Variants in AMPH observed in about 807,000 individuals in gnomAD.
AMPH encodes amphiphysin, also known as amphiphysin (Stiff-Mann syndrome with breast cancer 128kD autoantigen).
A neutral mutation model predicts 99.1 loss-of-function variants in AMPH; 49 were observed. That is an observed-to-expected ratio of 0.49 (90% CI 0.39 to 0.63). AMPH has a LOEUF of 0.63. Among genes scored for constraint, AMPH ranks in the 20% least tolerant of loss-of-function variants. The pLI, the probability that AMPH is intolerant of heterozygous loss-of-function variation, is 0.00. For synonymous variants in AMPH, 314 were observed against 317.3 expected (o/e 0.99, Z 0.11); for missense variants, 759 against 863.4 (o/e 0.88, Z 1.52).
intron 1 of AMPH, among the ~76,000 whole-genome samples, chr7:38,579,935 C>A (rs1441887309): frequency 1.3e-5 from 2 of 152,258 alleles, no homozygotes; most frequent in African/African-American, 4.8e-5. Flanking sequence ...AAAATGCATA[C>A]CAGTCCCAGA....
At chr7:38,502,493 T>G (rs886315249) in intron 3 of AMPH, among the ~76,000 whole-genome samples, 1 of 152,140 alleles carries the variant, frequency 6.6e-6, no homozygotes, top group African/African-American at 2.4e-5. Flanking sequence ...GCCCTGAGCC[T>G]GTCCCATTGA....
intron 19 of AMPH, among the ~76,000 whole-genome samples, chr7:38,391,007 GA>G (rs1277903565): frequency 5.7e-5 from 4 of 69,668 alleles, no homozygotes; most frequent in African/African-American, 1.9e-4. Flanking sequence ...GAGAGAGAGA[GA>G]GAGAGAGAAT....
chr7:38,466,858 G>C (rs984283559), intron 7 of AMPH, among the ~76,000 whole-genome samples: 1 of 152,044 alleles, frequency 6.6e-6, no homozygotes, highest in African/African-American at 2.4e-5. Context: ...GAAAACATAA[G>C]CTGCCCCTTC....
At chr7:38,406,357 A>G (rs1015542326) in intron 17 of AMPH, among the ~76,000 whole-genome samples, 9 of 151,904 alleles carry the variant, frequency 5.9e-5, no homozygotes, top group African/African-American at 1.9e-4. Context: ...GAAAAGACAT[A>G]ACAAAGATCA....
intron 2 of AMPH, among the ~76,000 whole-genome samples, chr7:38,514,661 C>T (rs541925307): frequency 2.0e-5 from 3 of 152,182 alleles, no homozygotes; most frequent in Non-Finnish European, 4.4e-5. Context: ...TGAGTTTGGC[C>T]TGACTTCTTT....
At chr7:38,566,638 G>T (rs568396722) in intron 1 of AMPH, among the ~76,000 whole-genome samples, 2 of 151,860 alleles carry the variant, frequency 1.3e-5, no homozygotes, top group East Asian at 1.9e-4. Context: ...AAATTTTTGC[G>T]ATCTACCCAT....
At chr7:38,550,182 C>A (rs1317528143) in intron 1 of AMPH, among the ~76,000 whole-genome samples, 1 of 152,214 alleles carries the variant, frequency 6.6e-6, no homozygotes, top group Non-Finnish European at 1.5e-5. Flanking sequence ...CATTCCCTTA[C>A]ATTTCCTCCC....
intron 9 of AMPH, among the ~76,000 whole-genome samples, chr7:38,465,129 C>T (rs927712478): frequency 5.3e-5 from 8 of 151,992 alleles, no homozygotes; most frequent in East Asian, 1.9e-4. Context: ...CTTTCTTCTC[C>T]GGAGAAAATA....
chr7:38,436,476 ATAT>A (rs1290267200), intron 11 of AMPH, 88 bp from the exon 12 acceptor site: 2 of 953,570 alleles, frequency 2.1e-6, no homozygotes, highest in South Asian at 1.4e-5. Flanking sequence ...ACTCTCTCTA[ATAT>A]TATTATTGAG....
intron 1 of AMPH, among the ~76,000 whole-genome samples, chr7:38,580,658 G>A: frequency 6.7e-6 from 1 of 149,498 alleles, no homozygotes; most frequent in South Asian, 2.2e-4. Context: ...AAGAGATATG[G>A]GATGATGATG....
chr7:38,505,963 A>G (rs1207819811), intron 2 of AMPH, among the ~76,000 whole-genome samples: 1 of 152,196 alleles, frequency 6.6e-6, no homozygotes, highest in Admixed American at 6.5e-5. Flanking sequence ...CAGCGACATC[A>G]GGCTTGGCTG....
At chr7:38,569,206 T>C (rs1791853703) in intron 1 of AMPH, among the ~76,000 whole-genome samples, 1 of 152,038 alleles carries the variant, frequency 6.6e-6, no homozygotes, top group Non-Finnish European at 1.5e-5. Flanking sequence ...AGTAATAGTC[T>C]AAAACCCAGA....
At chr7:38,500,644 T>C (rs1365765811) in intron 3 of AMPH, among the ~76,000 whole-genome samples, 1 of 152,174 alleles carries the variant, frequency 6.6e-6, no homozygotes, top group Non-Finnish European at 1.5e-5. Flanking sequence ...AACAAACTTA[T>C]CCACATTTTC....
chr7:38,586,158 C>A (rs1008420155), intron 1 of AMPH, among the ~76,000 whole-genome samples: 5 of 152,170 alleles, frequency 3.3e-5, no homozygotes, highest in Admixed American at 2.6e-4. Context: ...ACCATCCCAG[C>A]ATTTGTTTAA....
chr7:38,559,679 T>C (rs1791489669), intron 1 of AMPH, among the ~76,000 whole-genome samples: 1 of 152,242 alleles, frequency 6.6e-6, no homozygotes, highest in South Asian at 2.1e-4. Context: ...TATAGGTACA[T>C]TACTAGTCCC....
At chr7:38,404,069 C>G (rs1047161996) in intron 17 of AMPH, among the ~76,000 whole-genome samples, 3 of 152,104 alleles carry the variant, frequency 2.0e-5, no homozygotes, top group Non-Finnish European at 4.4e-5. Context: ...CTGATAGCCA[C>G]CAGAGAGGTC....
chr7:38,407,584 C>G (rs1012520039), intron 17 of AMPH, among the ~76,000 whole-genome samples: 1 of 151,814 alleles, frequency 6.6e-6, no homozygotes, highest in African/African-American at 2.4e-5. Flanking sequence ...TATAATAAAC[C>G]TGCACATGTA....
At chr7:38,441,746 A>ATATATCATATATC (rs1304030715) in intron 11 of AMPH, among the ~76,000 whole-genome samples, 53 of 146,490 alleles carry the variant, frequency 3.6e-4, no homozygotes, top group Admixed American at 8.9e-4. Context: ...TATGACAGAT[A>ATATATCATATATC]TATCATATAT....
At chr7:38,515,349 C>T (rs1479544844) in intron 2 of AMPH, among the ~76,000 whole-genome samples, 4 of 152,132 alleles carry the variant, frequency 2.6e-5, no homozygotes, top group African/African-American at 9.7e-5. Context: ...GGACTTCCCC[C>T]TTGCTATTCT....
Sources: gnomAD v4.1 joint callset for allele counts (sites outside exome capture counted in the v4.1 genomes callset) on GRCh38, gnomAD v4.1.1 for gene constraint, MANE v1.5 for transcripts, NCBI Gene and HGNC (gene_info 2026-07-23, HGNC 2026-07-21) for gene names.